AKAP4: variants seen among roughly 807,000 people sequenced by gnomAD.
AKAP4 encodes the protein A-kinase anchor protein 4.
AKAP4 carries 4 observed loss-of-function variants against 42.6 expected under a neutral mutation model. That is an observed-to-expected ratio of 0.09 (90% CI 0.05 to 0.22). AKAP4 has a LOEUF of 0.22. Among genes scored for constraint, AKAP4 ranks in the 10% least tolerant of loss-of-function variants. AKAP4 has a pLI of 1.00. For synonymous variants in AKAP4, 223 were observed against 233.0 expected (o/e 0.96, Z 0.39); for missense variants, 551 against 630.7 (o/e 0.87, Z 1.35).
chrX:50,197,962 TTTCCTGGC>T (rs1422556765), intron 2 of AKAP4, among the ~76,000 whole-genome samples: 2 of 111,911 alleles, frequency 1.8e-5, no homozygotes, highest in Non-Finnish European at 3.8e-5. Context: ...AGAACTCAAT[TTTCCTGGC>T]TTCCAGTTTA....
intron 4 of AKAP4, among the ~76,000 whole-genome samples, chrX:50,195,612 G>C (rs1406233516): frequency 1.8e-5 from 2 of 111,714 alleles, no homozygotes; most frequent in Non-Finnish European, 3.8e-5. Context: ...GCATGTCACT[G>C]CATCTGACTC....
rs1356932536 is a variant in AKAP4 at position 50,200,976 on chromosome X, A to G, written c.-87T>C. Reference sequence around the variant, plus strand: ...CCTCAAGATACTGCTTTTTTCTTCAACTCTCCATGCCCTCCTACAGCCTTG... The same window carrying G: ...CCTCAAGATACTGCTTTTTTCTTCAGCTCTCCATGCCCTCCTACAGCCTTG... On this transcript the variant is annotated 5_prime_UTR_variant, in exon 1 of 6. Transcript: ENST00000358526. 3 of 936,746 alleles carry G rather than the reference A, an allele frequency of 3.2e-6. No homozygotes were observed. In the East Asian group the frequency reaches 9.3e-5, roughly 29 times the overall value. 77.2% of individuals were successfully genotyped at this position (936,746 alleles called of 1,213,427 possible). A position where few individuals can be genotyped will look rare whatever the true frequency, so the allele number is the denominator to read the frequency against.
intron 2 of AKAP4, 60 bp from the exon 3 acceptor site, chrX:50,197,654 T>C (rs1306776550): frequency 2.9e-6 from 3 of 1,034,238 alleles, no homozygotes; most frequent in African/African-American, 1.9e-5. Flanking sequence ...ATAATTTCTC[T>C]TTCTTGGAGA....
intron 4 of AKAP4, among the ~76,000 whole-genome samples, chrX:50,196,493 G>A (rs1935193598): frequency 1.8e-5 from 2 of 111,528 alleles, no homozygotes; most frequent in Admixed American, 9.5e-5. Flanking sequence ...TTAGACAACA[G>A]GGTAAGGATG....
chrX:50,191,009 C>T lies in AKAP4; in HGVS notation c.2516G>A (p.Gly839Glu), dbSNP rs1269014457. Reference sequence around the variant, plus strand: ...CAGCAACTGTTTCCTGGCCACCTTTCCCACAGCTTCATCTGGTTGCCGTTC... The same window carrying T: ...CAGCAACTGTTTCCTGGCCACCTTTTCCACAGCTTCATCTGGTTGCCGTTC... The part of the protein sequence containing the change: ...AKERQPDEAV[G>E]KVARKQLLDW... Residue 839 changes from glycine to glutamate, a missense_variant, in exon 6 of 6, where the codon GGA becomes GAA. Physicochemically the swap from Gly to Glu is moderately conservative, Grantham distance 98. Coordinates refer to ENST00000358526, the MANE Select transcript of AKAP4 (RefSeq NM_003886.3). 3.3e-6 allele frequency: 4 copies of T among 1,208,799 alleles called. No homozygotes were observed. Among genetic ancestry groups the T allele is most frequent in the African/African-American group, 3.5e-5 (2 of 56,792 alleles).
chrX:50,199,643 T>C (rs1290294248), intron 1 of AKAP4, among the ~76,000 whole-genome samples: 2 of 110,749 alleles, frequency 1.8e-5, no homozygotes, highest in African/African-American at 6.6e-5. Context: ...AGACTTGTTT[T>C]TGGTATCTGG....
chrX:50,193,081 C>A lies in AKAP4; in HGVS notation c.1632G>T (p.Leu544=), dbSNP rs1268676263. 7.4e-6 allele frequency: 9 copies of A among 1,212,024 alleles called. No individual in the cohort carries two copies. Among genetic ancestry groups the A allele is most frequent in the Non-Finnish European group, 1.0e-5 (9 of 895,588 alleles). Reference sequence around the variant, plus strand: ...GGATCAGCTTAAGGGCAGAGACAATCAGGTCCTTGGCCAGTGAATCTGTGG... The same window carrying A: ...GGATCAGCTTAAGGGCAGAGACAATAAGGTCCTTGGCCAGTGAATCTGTGG... The part of the protein sequence containing the change: ...NASTDSLAKD[L]IVSALKLIQY... The change falls in exon 5 of 6, where the codon CTG becomes CTT. Residue 544 remains leucine, a synonymous_variant. Coordinates refer to ENST00000358526, the MANE Select transcript of AKAP4 (RefSeq NM_003886.3).
At position 50,192,524 on chromosome X, in the gene AKAP4, G is replaced by A; in HGVS notation, c.2189C>T (p.Ser730Leu). ...ALAELEEQAA[S>L]ANKPNFRGTR... ...GCCCCTGAAATTGGGCTTATTTGCC[G>A]AGGCTGCTTGTTCTTCCAACTCAGC... Residue 730 changes from serine to leucine, a missense_variant, in exon 5 of 6, where the codon TCG becomes TTG. By Grantham distance (145) the Ser-to-Leu change is moderately radical. Coordinates refer to ENST00000358526, the MANE Select transcript of AKAP4 (RefSeq NM_003886.3). The A allele has an allele frequency of 1.7e-6, 2 of 1,211,510 alleles. No homozygotes were observed. The highest frequency in any genetic ancestry group is 3.0e-5 in the East Asian group (1 of 33,840).
At chrX:50,197,110 C>A in intron 3 of AKAP4, 118 bp from the exon 4 acceptor site, 1 of 526,137 alleles carries the variant, frequency 1.9e-6, no homozygotes, top group Non-Finnish European at 3.2e-6. Flanking sequence ...TTTTTTCTTT[C>A]TGCAGGAGAG....
intron 1 of AKAP4, among the ~76,000 whole-genome samples, chrX:50,199,465 A>G (rs1376762559): frequency 6.4e-5 from 7 of 109,432 alleles, no homozygotes; most frequent in Admixed American, 1.9e-4. Flanking sequence ...AATTTATTTT[A>G]GAAAGAAAAA....
chrX:50,191,122 G>A lies in AKAP4; in HGVS notation c.2410-7C>T, dbSNP rs373310391. 2.5e-6 allele frequency: 3 copies of A among 1,207,089 alleles called. No homozygotes were observed. Among genetic ancestry groups the A allele is most frequent in the Non-Finnish European group, 3.4e-6 (3 of 893,210 alleles). On this transcript the variant is annotated splice_polypyrimidine_tract_variant and splice_region_variant and intron_variant, in intron 5 of 5. Transcript: ENST00000358526. Reference sequence around the variant, plus strand: ...TAGCTGAAACCTGAGGAAGCTGTGGGGAAAACAGAGCTAGTGTGAGTTGCG... The same window carrying A: ...TAGCTGAAACCTGAGGAAGCTGTGGAGAAAACAGAGCTAGTGTGAGTTGCG...
chrX:50,198,293 C>G (rs1388160877), intron 2 of AKAP4, among the ~76,000 whole-genome samples: 3 of 111,173 alleles, frequency 2.7e-5, no homozygotes, highest in African/African-American at 9.8e-5. Flanking sequence ...GTTTGGGAAA[C>G]AGACCATGAA....
chrX:50,195,255 T>C (rs1378605411), intron 4 of AKAP4, among the ~76,000 whole-genome samples: 1 of 112,239 alleles, frequency 8.9e-6, no homozygotes, highest in African/African-American at 3.2e-5. Flanking sequence ...TATATTTATA[T>C]GTTATGTCAA....
chrX:50,196,263 C>A (rs948824073), intron 4 of AKAP4, among the ~76,000 whole-genome samples: 1 of 111,329 alleles, frequency 9.0e-6, no homozygotes, highest in Admixed American at 9.6e-5. Context: ...CATTTGATTC[C>A]TCTGCATTAA....
intron 5 of AKAP4, among the ~76,000 whole-genome samples, chrX:50,191,796 T>C (rs1034262651): frequency 5.5e-5 from 6 of 109,961 alleles, no homozygotes; most frequent in Non-Finnish European, 1.1e-4. Context: ...GGGCATAAAA[T>C]TTAAGGAGAC....
At chrX:50,192,279 T>G in intron 5 of AKAP4, 25 bp downstream of exon 5, 1 of 1,141,332 alleles carries the variant, frequency 8.8e-7, no homozygotes, top group Non-Finnish European at 1.2e-6. Flanking sequence ...CCAACTTTCT[T>G]CTTGTGCCTT....
chrX:50,193,657 C>T lies in AKAP4; in HGVS notation c.1056G>A (p.Leu352=), dbSNP rs1557204016. 2.5e-6 allele frequency: 3 copies of T among 1,210,398 alleles called. No homozygotes were observed. The highest frequency in any genetic ancestry group is 3.4e-6 in the Non-Finnish European group (3 of 895,365). ...SDMMVSLMKT[L]KVHSSGKPIP... is the part of the protein sequence containing the mutation. Reference sequence around the variant, plus strand: ...TTGGCTTCCCAGAGCTGTGCACTTTCAAGGTCTTCATGAGAGAGACCATCA... The same window carrying T: ...TTGGCTTCCCAGAGCTGTGCACTTTTAAGGTCTTCATGAGAGAGACCATCA... The change falls in exon 5 of 6, where the codon TTG becomes TTA. Residue 352 remains leucine, a synonymous_variant. Coordinates refer to ENST00000358526, the MANE Select transcript of AKAP4 (RefSeq NM_003886.3).
At position 50,198,737 on chromosome X, in the gene AKAP4, C is replaced by A. The variant is rs1286754473; in HGVS notation, c.43G>T (p.Asp15Tyr). ...ACACCCCTGTGGCTGCGTAACCAGTCAATATCATCAGACATCTGGAAAGAG... is the reference window on the plus strand; with the variant it reads ...ACACCCCTGTGGCTGCGTAACCAGTAAATATCATCAGACATCTGGAAAGAG... ...SDTTMMSDDIDWLRSHRGVCK... is the reference protein window; with the variant it reads ...SDTTMMSDDIYWLRSHRGVCK... Residue 15 changes from aspartate to tyrosine, a missense_variant, in exon 2 of 6, where the codon GAC (aspartate) becomes TAC (tyrosine). Transcript: ENST00000358526. The A allele has an allele frequency of 8.3e-7, 1 of 1,202,111 alleles. No individual in the cohort carries two copies. Among genetic ancestry groups the A allele is most frequent in the African/African-American group, 1.8e-5 (1 of 56,824 alleles).
intron 3 of AKAP4, 130 bp downstream of exon 3, chrX:50,197,414 G>T: frequency 1.9e-6 from 1 of 530,918 alleles, no homozygotes; most frequent in Non-Finnish European, 3.0e-6. Flanking sequence ...TCATGAGAAT[G>T]CTGGCTTTCC....
Sources: allele counts gnomAD v4.1 joint callset (sites outside exome capture counted in the v4.1 genomes callset), GRCh38; gene constraint gnomAD v4.1.1; transcripts MANE v1.5; gene names NCBI Gene and HGNC (gene_info 2026-07-23, HGNC 2026-07-21).